SLC16A12: variants seen among roughly 807,000 people sequenced by gnomAD.
SLC16A12 encodes the protein solute carrier family 16 member 12.
A neutral mutation model predicts 42.4 loss-of-function variants in SLC16A12; 17 were observed. The observed-to-expected ratio is 0.40, with a 90% CI of 0.27 to 0.60. SLC16A12 has a LOEUF of 0.60. Among genes scored for constraint, SLC16A12 ranks in the 20% least tolerant of loss-of-function variants. SLC16A12 has a pLI of 0.42. For synonymous variants in SLC16A12, 224 were observed against 229.4 expected, an observed-to-expected ratio of 0.98 and a Z score of 0.21; for missense variants, 544 against 623.0, an observed-to-expected ratio of 0.87 and a Z score of 1.35.
At chr10:89,483,740 A>T (rs1239938800) in intron 2 of SLC16A12, among the ~76,000 whole-genome samples, 1 of 144,058 alleles carries the variant, frequency 6.9e-6, no homozygotes, top group African/African-American at 2.5e-5. Flanking sequence ...GCTGCCTCTA[A>T]AAAAAAAAAA....
chr10:89,552,736 A>G (rs138984130), intron 2 of SLC16A12, among the ~76,000 whole-genome samples: 67 of 152,292 alleles, frequency 4.4e-4, no homozygotes, highest in Middle Eastern at 3.4e-3. Flanking sequence ...GCCCTGCCCT[A>G]ACAGAATCTG....
At chr10:89,438,192 TAAG>T (rs2133685824) in intron 6 of SLC16A12, among the ~76,000 whole-genome samples, 1 of 151,318 alleles carries the variant, frequency 6.6e-6, no homozygotes, top group Admixed American at 6.6e-5. Context: ...ACCTGTGAAT[TAAG>T]AACGGTTTTT....
intron 2 of SLC16A12, among the ~76,000 whole-genome samples, chr10:89,477,678 G>T (rs2133780289): frequency 6.8e-6 from 1 of 147,914 alleles, no homozygotes; most frequent in African/African-American, 2.5e-5. Context: ...AAGACAATAA[G>T]TAAAATAAAT....
Position 89,483,867 on chromosome 10 carries a change from C to T in SLC16A12, c.-46-21243G>A, listed in dbSNP as rs79485734. Among the ~76,000 whole-genome samples the T allele has an allele frequency of 2.4e-3, 357 of 151,570 alleles. 1 individual carries two copies. Among genetic ancestry groups the T allele is most frequent in the African/African-American group, 8.2e-3 (337 of 41,296 alleles). ...TTTACACATGTTCACTCATTTAATTCTCACAAAAACCCTCTGATACATGTA... is the reference window on the plus strand; with the variant it reads ...TTTACACATGTTCACTCATTTAATTTTCACAAAAACCCTCTGATACATGTA... On this transcript the variant is annotated intron_variant, in intron 2 of 7. Coordinates refer to ENST00000371790, the MANE Select transcript of SLC16A12 (RefSeq NM_213606.4).
At chr10:89,469,911 T>C (rs1398168239) in intron 2 of SLC16A12, among the ~76,000 whole-genome samples, 1 of 152,248 alleles carries the variant, frequency 6.6e-6, no homozygotes, top group South Asian at 2.1e-4. Context: ...ATAATAACTC[T>C]TTCAAGGTAG....
intron 2 of SLC16A12, among the ~76,000 whole-genome samples, chr10:89,479,855 G>A (rs1842637501): frequency 6.6e-6 from 1 of 152,126 alleles, no homozygotes; most frequent in African/African-American, 2.4e-5. Context: ...TAGTGTTGGA[G>A]AATAATAGTT....
chr10:89,541,415 T>C (rs1379397662), intron 2 of SLC16A12, among the ~76,000 whole-genome samples: 1 of 152,122 alleles, frequency 6.6e-6, no homozygotes, highest in Non-Finnish European at 1.5e-5. Context: ...GGCAACATAC[T>C]GAGACCCCGT....
At chr10:89,526,404 T>C (rs1843453354) in intron 2 of SLC16A12, among the ~76,000 whole-genome samples, 1 of 152,198 alleles carries the variant, frequency 6.6e-6, no homozygotes, top group Admixed American at 6.5e-5. Context: ...TCCCAAGCTA[T>C]AGTTCTTGCT....
upstream of SLC16A12, among the ~76,000 whole-genome samples, chr10:89,539,903 T>TTCTTTCTTTCTTTC (rs1843703469): frequency 6.7e-6 from 1 of 148,406 alleles, no homozygotes; most frequent in East Asian, 1.9e-4. Flanking sequence ...CTTTCTTTCT[T>TTCTTTCTTTCTTTC]TCTTTCTTTT....
At chr10:89,461,781 T>G (rs1437563152) in intron 3 of SLC16A12, among the ~76,000 whole-genome samples, 1 of 152,244 alleles carries the variant, frequency 6.6e-6, no homozygotes, top group Non-Finnish European at 1.5e-5. Flanking sequence ...CCTGGAGCTA[T>G]GCCAGCTTAA....
At chr10:89,492,425 GT>G (rs1433253480) in intron 2 of SLC16A12, among the ~76,000 whole-genome samples, 1 of 151,678 alleles carries the variant, frequency 6.6e-6, no homozygotes, top group Non-Finnish European at 1.5e-5. Context: ...AAAAGGACTT[GT>G]AAAAAAAAAA....
chr10:89,464,247 T>C (rs186685647), intron 2 of SLC16A12, among the ~76,000 whole-genome samples: 10 of 152,308 alleles, frequency 6.6e-5, no homozygotes, highest in African/African-American at 2.4e-4. Context: ...TTCCCCTAAA[T>C]TGAGCCTCCA....
intron 2 of SLC16A12, among the ~76,000 whole-genome samples, chr10:89,467,437 T>C (rs1842421332): frequency 6.6e-6 from 1 of 152,158 alleles, no homozygotes. Flanking sequence ...TTAACAATAA[T>C]ATATAAAACA....
intron 2 of SLC16A12, among the ~76,000 whole-genome samples, chr10:89,524,026 G>C (rs1338442011): frequency 1.3e-5 from 2 of 152,180 alleles, no homozygotes; most frequent in African/African-American, 4.8e-5. Context: ...CCAGACAAGT[G>C]ATTTCAACTG....
intron 2 of SLC16A12, among the ~76,000 whole-genome samples, chr10:89,487,176 C>T (rs1842768941): frequency 6.6e-6 from 1 of 152,178 alleles, no homozygotes; most frequent in Non-Finnish European, 1.5e-5. Context: ...AACAAGCCTT[C>T]TCTAAGGGGA....
intron 2 of SLC16A12, among the ~76,000 whole-genome samples, chr10:89,477,902 T>C (rs1009407538): frequency 4.2e-5 from 5 of 120,022 alleles, no homozygotes; most frequent in African/African-American, 1.2e-4. Flanking sequence ...AGTCCCTCTG[T>C]TTATTAAGAG....
chr10:89,442,919 G>T (rs10788643), intron 4 of SLC16A12, among the ~76,000 whole-genome samples: 54,530 of 151,972 alleles, frequency 0.36, 10,095 homozygotes, highest in African/African-American at 0.44. Flanking sequence ...GAAAATTTCC[G>T]AAAATACTCA....
intron 3 of SLC16A12, among the ~76,000 whole-genome samples, chr10:89,456,567 G>T (rs149044890): frequency 6.6e-6 from 1 of 151,762 alleles, no homozygotes; most frequent in African/African-American, 2.4e-5. Context: ...TAAGTTCTAG[G>T]TTACTTGTGC....
chr10:89,521,055 G>A (rs1297088716), intron 2 of SLC16A12, among the ~76,000 whole-genome samples: 3 of 152,172 alleles, frequency 2.0e-5, no homozygotes, highest in African/African-American at 7.2e-5. Flanking sequence ...TCCCTGCAAT[G>A]GTCTTGTAAG....
Sources: gnomAD v4.1 joint callset for allele counts (sites outside exome capture counted in the v4.1 genomes callset) on GRCh38, gnomAD v4.1.1 for gene constraint, MANE v1.5 for transcripts, NCBI Gene and HGNC (gene_info 2026-07-23, HGNC 2026-07-21) for gene names.